PRIMPOL: variants seen among roughly 807,000 people sequenced by gnomAD.
PRIMPOL encodes DNA-directed primase/polymerase protein.
In PRIMPOL, 54 loss-of-function variants were observed where a neutral mutation model predicts 63.6. The observed-to-expected ratio is 0.85, with a 90% CI of 0.68 to 1.07. PRIMPOL has a LOEUF of 1.07. PRIMPOL is among the 50% of genes least tolerant of loss of function. The pLI, the probability that PRIMPOL is intolerant of heterozygous loss-of-function variation, is 0.00. For missense variants in PRIMPOL, 610 were observed against 648.3 expected, an observed-to-expected ratio of 0.94 and a Z score of 0.64; for synonymous variants, 197 against 220.2, an observed-to-expected ratio of 0.89 and a Z score of 0.93.
At chr4:184,663,845 A>G (rs988355914) in intron 5 of PRIMPOL, among the ~76,000 whole-genome samples, 3 of 152,218 alleles carry the variant, frequency 2.0e-5, no homozygotes, top group South Asian at 2.1e-4. Context: ...TTTGTATGCA[A>G]TAAGTTTATA....
intron 8 of PRIMPOL, among the ~76,000 whole-genome samples, chr4:184,678,825 G>C (rs1754822393): frequency 6.7e-6 from 1 of 149,490 alleles, no homozygotes; most frequent in Admixed American, 6.7e-5. Context: ...ACCGCGCCCA[G>C]CCAGTTCTTA....
At chr4:184,674,709 A>T (rs1358028505) in intron 7 of PRIMPOL, among the ~76,000 whole-genome samples, 1 of 152,244 alleles carries the variant, frequency 6.6e-6, no homozygotes, top group Non-Finnish European at 1.5e-5. Context: ...TATATACTGG[A>T]TTCTTACAGT....
At chr4:184,681,609 C>A (rs1755647268) in intron 8 of PRIMPOL, among the ~76,000 whole-genome samples, 1 of 152,030 alleles carries the variant, frequency 6.6e-6, no homozygotes, top group Non-Finnish European at 1.5e-5. Context: ...GAATCTCACT[C>A]TGTCTCCCAG....
At chr4:184,677,754 G>T (rs936286272) in intron 7 of PRIMPOL, among the ~76,000 whole-genome samples, 13 of 152,230 alleles carry the variant, frequency 8.5e-5, no homozygotes, top group African/African-American at 3.1e-4. Flanking sequence ...ATAATATTGA[G>T]TCTTCCAATC....
In PRIMPOL at chr4:184,672,158, A is replaced by T. The variant is rs910094289; in HGVS notation, c.557-15A>T. The T allele has an allele frequency of 6.2e-7, 1 of 1,600,154 alleles. No individual in the cohort carries two copies. The highest frequency in any genetic ancestry group is 1.7e-5 in the Admixed American group (1 of 57,556). Reference sequence around the variant, plus strand: ...GGAGAAGATCCAGGTGAATGATAATAGCTTTTTTCCTTAGGTAATTTTTTG... The same window carrying T: ...GGAGAAGATCCAGGTGAATGATAATTGCTTTTTTCCTTAGGTAATTTTTTG... On this transcript the variant is annotated splice_polypyrimidine_tract_variant and intron_variant, in intron 6 of 13. Coordinates refer to ENST00000314970, the MANE Select transcript of PRIMPOL (RefSeq NM_152683.4).
At chr4:184,678,951 C>T (rs1418522766) in intron 8 of PRIMPOL, among the ~76,000 whole-genome samples, 1 of 152,052 alleles carries the variant, frequency 6.6e-6, no homozygotes, top group Non-Finnish European at 1.5e-5. Flanking sequence ...AGTGTATTTT[C>T]CAATTTTTCT....
rs1213397607 is a variant in PRIMPOL at position 184,694,276 on chromosome 4, A to G, written c.1426-246A>G. 1.0e-5 allele frequency: 13 copies of G among 1,238,858 alleles called. No homozygotes were observed. The East Asian group carries it at 4.1e-4, about 39-fold the overall frequency. 76.7% of individuals were successfully genotyped at this position (1,238,858 alleles called of 1,614,324 possible). A position where few individuals can be genotyped will look rare whatever the true frequency, so the allele number is the denominator to read the frequency against. On this transcript the variant is annotated intron_variant, in intron 13 of 13. Coordinates refer to ENST00000314970, the MANE Select transcript of PRIMPOL (RefSeq NM_152683.4). ...CTTCCGTCGGGGAGTATTGAAAAGTATGTGCACAGAACTGTAGGTAATTTC... is the reference window on the plus strand; with the variant it reads ...CTTCCGTCGGGGAGTATTGAAAAGTGTGTGCACAGAACTGTAGGTAATTTC...
chr4:184,658,907 CA>C (rs35646133), intron 3 of PRIMPOL, among the ~76,000 whole-genome samples: 25,618 of 93,706 alleles, frequency 0.27, 2,898 homozygotes, highest in East Asian at 0.72. Context: ...GACTCTGTTT[CA>C]AAAAAAAAAA....
intron 11 of PRIMPOL, among the ~76,000 whole-genome samples, chr4:184,689,998 A>G (rs2150166454): frequency 6.6e-6 from 1 of 152,282 alleles, no homozygotes; most frequent in East Asian, 1.9e-4. Flanking sequence ...GCCTGTTACT[A>G]GAATGTTTAA....
In PRIMPOL at chr4:184,657,099, A is replaced by G; in HGVS notation, c.-42A>G. On this transcript the variant is annotated 5_prime_UTR_variant, in exon 3 of 14. The change creates a new upstream start codon in the 5' untranslated region. Coordinates refer to ENST00000314970, the MANE Select transcript of PRIMPOL (RefSeq NM_152683.4). ...TGTTTTAGTAGTAATTGATAGAAATATTACGTGGGATAGGATTTATTCTCT... is the reference window on the plus strand; with the variant it reads ...TGTTTTAGTAGTAATTGATAGAAATGTTACGTGGGATAGGATTTATTCTCT... 3 of 1,383,750 alleles carry G rather than the reference A, an allele frequency of 2.2e-6. No homozygotes were observed. Among genetic ancestry groups the G allele is most frequent in the Non-Finnish European group, 2.9e-6 (3 of 1,041,458 alleles). 85.7% of individuals were successfully genotyped at this position (1,383,750 alleles called of 1,614,324 possible).
intron 11 of PRIMPOL, among the ~76,000 whole-genome samples, chr4:184,688,291 AG>A (rs1456188077): frequency 6.6e-6 from 1 of 152,152 alleles, no homozygotes; most frequent in Non-Finnish European, 1.5e-5. Flanking sequence ...CAGTGTTTTG[AG>A]ATTTTTCTAC....
intron 8 of PRIMPOL, among the ~76,000 whole-genome samples, chr4:184,681,362 T>G (rs1219865987): frequency 1.3e-5 from 2 of 152,112 alleles, no homozygotes; most frequent in Non-Finnish European, 2.9e-5. Flanking sequence ...GGGTGATTAT[T>G]ATTCCAAGGT....
intron 6 of PRIMPOL, among the ~76,000 whole-genome samples, chr4:184,667,350 G>A (rs552059417): frequency 2.8e-4 from 42 of 151,382 alleles, no homozygotes; most frequent in Middle Eastern, 3.4e-3. Flanking sequence ...TCGCTCTGTC[G>A]CCCAGGCTGG....
At chr4:184,654,788 T>C (rs1745824808) in intron 2 of PRIMPOL, among the ~76,000 whole-genome samples, 1 of 152,110 alleles carries the variant, frequency 6.6e-6, no homozygotes, top group Non-Finnish European at 1.5e-5. Context: ...ATCTCCTCCA[T>C]CCAGTGAATT....
At chr4:184,677,260 C>A (rs984949875) in intron 7 of PRIMPOL, among the ~76,000 whole-genome samples, 2 of 151,840 alleles carry the variant, frequency 1.3e-5, no homozygotes, top group African/African-American at 4.8e-5. Flanking sequence ...CTGCACCTGG[C>A]GTGGCTTTTA....
At chr4:184,694,136 A>ATACTT (rs1759860342) in intron 13 of PRIMPOL, 2 of 766,136 alleles carry the variant, frequency 2.6e-6, no homozygotes, top group Non-Finnish European at 3.2e-6. Context: ...GATTTGCTAA[A>ATACTT]TACTTTAAAA....
chr4:184,667,477 AG>A (rs1254493113), intron 6 of PRIMPOL, among the ~76,000 whole-genome samples: 2 of 152,100 alleles, frequency 1.3e-5, no homozygotes, highest in African/African-American at 4.8e-5. Flanking sequence ...TGCCCGGCTA[AG>A]TTTTTGTATT....
chr4:184,666,470 A>G (rs1415100709), intron 6 of PRIMPOL, among the ~76,000 whole-genome samples: 2 of 152,220 alleles, frequency 1.3e-5, no homozygotes, highest in Admixed American at 1.3e-4. Flanking sequence ...CTCAAAAAAA[A>G]TAATGGCAAT....
intron 13 of PRIMPOL, among the ~76,000 whole-genome samples, chr4:184,692,508 A>C (rs1203931246): frequency 6.6e-6 from 1 of 151,740 alleles, no homozygotes; most frequent in East Asian, 1.9e-4. Context: ...GAAAATACAT[A>C]AAATTAGGAA....
Sources: gnomAD v4.1 joint callset for allele counts (sites outside exome capture counted in the v4.1 genomes callset) on GRCh38, gnomAD v4.1.1 for gene constraint, MANE v1.5 for transcripts, NCBI Gene and HGNC (gene_info 2026-07-23, HGNC 2026-07-21) for gene names.